CAMK2B: variants seen among roughly 807,000 people sequenced by gnomAD.
CAMK2B encodes the protein calcium/calmodulin dependent protein kinase II beta.
CAMK2B carries 27 observed loss-of-function variants against 93.7 expected under a neutral mutation model. The ratio of observed to expected loss-of-function variants is 0.29; its 90% CI spans 0.21 to 0.40. The LOEUF (loss-of-function observed/expected upper bound fraction) is 0.40, where lower values mean the gene tolerates loss of function less well. Ranked by LOEUF, CAMK2B falls within the 10% of genes least tolerant of loss-of-function variation. The pLI is 1.00. For synonymous variants in CAMK2B, 374 were observed against 358.8 expected (o/e 1.04, Z -0.48); for missense variants, 568 against 895.8 (o/e 0.63, Z 4.67).
chr7:44,279,952 T>C (rs2097089548), intron 2 of CAMK2B, among the ~76,000 whole-genome samples: 1 of 152,062 alleles, frequency 6.6e-6, no homozygotes, highest in African/African-American at 2.4e-5. Context: ...ACTCCACTTT[T>C]AGGACTGCCT....
rs750982970 is a variant in CAMK2B, at chr7:44,242,371, C to G, written c.697-31G>C. On this transcript the variant is annotated intron_variant, in intron 9 of 23. Coordinates refer to ENST00000395749, the MANE Select transcript of CAMK2B (RefSeq NM_001220.5). Reference sequence around the variant, plus strand: ...GAAGGAAACAGCGCCCCGGCCGGGCCTGAAGCTCCCTCTCAGGCAGGGGCA... The same window carrying G: ...GAAGGAAACAGCGCCCCGGCCGGGCGTGAAGCTCCCTCTCAGGCAGGGGCA... 6.2e-6 allele frequency: 10 copies of G among 1,601,090 alleles called. No homozygotes were observed. In the African/African-American group the frequency reaches 1.3e-4, roughly 21 times the overall value.
chr7:44,315,704 T>C (rs1020112399), intron 1 of CAMK2B, among the ~76,000 whole-genome samples: 4 of 152,332 alleles, frequency 2.6e-5, no homozygotes, highest in Admixed American at 2.6e-4. Context: ...GAACATGGGA[T>C]GTCTTTCCAT....
In CAMK2B at chr7:44,225,916, G is replaced by C; in HGVS notation, c.1597+600C>G. 1 of 1,283,084 alleles carries C rather than the reference G, an allele frequency of 7.8e-7. No homozygotes were observed. Among genetic ancestry groups the C allele is most frequent in the Non-Finnish European group, 1.0e-6 (1 of 984,302 alleles). The allele number at this position is 1,283,084 out of a possible 1,614,324, so 79.5% of individuals were successfully genotyped here. The stretch of plus-strand genomic sequence containing the variant: ...CCTGTAAGTGATACTGCGGGTAGTC[G>C]GCAGACAGACCGGGAGGTGGCCCAG... On this transcript the variant is annotated intron_variant, in intron 20 of 23. Coordinates refer to ENST00000395749, the MANE Select transcript of CAMK2B (RefSeq NM_001220.5). This position sits in a 1 kb window ranked among gnomAD's most constrained non-coding sequence, Gnocchi z 5.0.
At chr7:44,307,004 G>GTGTGAGCAGGAGGAGGAGGA (rs1791902414) in intron 1 of CAMK2B, among the ~76,000 whole-genome samples, 1 of 140,484 alleles carries the variant, frequency 7.1e-6, no homozygotes, top group African/African-American at 2.7e-5. Context: ...GAGGAGGAGG[G>GTGTGAGCAGGAGGAGGAGGA]TGTGAGCAGG....
At chr7:44,238,215 C>A (rs568599846) in intron 13 of CAMK2B, among the ~76,000 whole-genome samples, 32 of 152,314 alleles carry the variant, frequency 2.1e-4, no homozygotes, top group Non-Finnish European at 4.1e-4. Context: ...TGGGCTCTGT[C>A]CACATGCACT....
In CAMK2B at chr7:44,284,869, GGA is replaced by G. The variant is rs201909490; in HGVS notation, c.66-646_66-645del. On this transcript the variant is annotated intron_variant, in intron 1 of 23. Coordinates refer to ENST00000395749, the MANE Select transcript of CAMK2B (RefSeq NM_001220.5). ...GTCCAGGTGTCAACGCAGAGGCCAT[GGA>G]GGCCCAGAGTAAGGGCGAAGGGACA... Among the ~76,000 whole-genome samples the G allele has an allele frequency of 6.1e-3, 925 of 152,312 alleles. 13 individuals are homozygous for G. Among genetic ancestry groups the G allele is most frequent in the African/African-American group, 0.021 (882 of 41,554 alleles).
At chr7:44,288,407 G>A (rs1213446619) in intron 1 of CAMK2B, among the ~76,000 whole-genome samples, 7 of 152,354 alleles carry the variant, frequency 4.6e-5, no homozygotes, top group African/African-American at 1.4e-4. Flanking sequence ...AGGGCACAGC[G>A]GGTTGGGGCA....
At chr7:44,238,979 C>T (rs1283083817) in intron 13 of CAMK2B, among the ~76,000 whole-genome samples, 1 of 152,210 alleles carries the variant, frequency 6.6e-6, no homozygotes, top group African/African-American at 2.4e-5. Context: ...CCGGCCTTTT[C>T]CCTCACAGGG....
In CAMK2B at chr7:44,290,574, C is replaced by T. The variant is rs149601386; in HGVS notation, c.66-6349G>A. On this transcript the variant is annotated intron_variant, in intron 1 of 23. Coordinates refer to ENST00000395749, the MANE Select transcript of CAMK2B (RefSeq NM_001220.5). ...GGGGACACCCCAGCAGGCACAAGTC[C>T]GCTGACCTCATGCGGACCTTTGTGT... is the stretch of plus-strand genomic sequence containing the variant. Among the ~76,000 whole-genome samples the T allele has an allele frequency of 3.7e-3, 557 of 152,368 alleles. 1 individual carries two copies. Among genetic ancestry groups the T allele is most frequent in the African/African-American group, 0.012 (507 of 41,590 alleles).
intron 19 of CAMK2B, among the ~76,000 whole-genome samples, chr7:44,227,743 A>G: frequency 6.3e-5 from 1 of 15,768 alleles, no homozygotes; most frequent in Non-Finnish European, 1.0e-4. Flanking sequence ...TATATGGGGG[A>G]CAGAGGAGGG....
chr7:44,242,290 G>A lies in CAMK2B; in HGVS notation c.747C>T (p.Ile249=). The A allele has an allele frequency of 6.2e-7, 1 of 1,614,130 alleles. No individual in the cohort carries two copies. The highest frequency in any genetic ancestry group is 8.5e-7 in the Non-Finnish European group (1 of 1,179,952). Residue 249 remains isoleucine, a synonymous_variant, in exon 10 of 24, where the codon ATC becomes ATT. Transcript: ENST00000395749. ...CAGGGTTGATGGTCAGCATCTGGTT[G>A]ATGAGGTTTTTGGCTTCAGGAGTGA... ...DTVTPEAKNL[I]NQMLTINPAK... is the part of the protein sequence containing the mutation.
At chr7:44,285,997 G>T (rs1784990798) in intron 1 of CAMK2B, among the ~76,000 whole-genome samples, 1 of 152,090 alleles carries the variant, frequency 6.6e-6, no homozygotes, top group South Asian at 2.1e-4. Flanking sequence ...AAAATATAAA[G>T]AAAGGATTAT....
chr7:44,226,263 G>A (rs951819082), intron 20 of CAMK2B, among the ~76,000 whole-genome samples: 7 of 150,068 alleles, frequency 4.7e-5, no homozygotes, highest in Admixed American at 3.3e-4. Context: ...TGCTGGGGTC[G>A]GCAACAAACC....
intron 1 of CAMK2B, among the ~76,000 whole-genome samples, chr7:44,293,227 C>T (rs545740656): frequency 2.0e-5 from 3 of 152,372 alleles, no homozygotes; most frequent in Admixed American, 6.5e-5. Flanking sequence ...AGATACTGAG[C>T]GCCGGCTCAT....
Position 44,234,410 on chromosome 7 carries a change from T to C in CAMK2B, c.1111A>G (p.Thr371Ala), listed in dbSNP as rs748259717. 3.3e-6 allele frequency: 5 copies of C among 1,537,798 alleles called. No individual in the cohort carries two copies. The highest frequency in any genetic ancestry group is 4.4e-6 in the Non-Finnish European group (5 of 1,145,616). Residue 371 changes from threonine to alanine, a missense_variant, in exon 15 of 24, where the codon ACG (threonine) becomes GCG (alanine). Thr to Ala is a moderately conservative substitution (Grantham distance 58). Coordinates refer to ENST00000395749, the MANE Select transcript of CAMK2B (RefSeq NM_001220.5). ...NSAAATSPKGTLPPAALEPQT... is the reference protein window; with the variant it reads ...NSAAATSPKGALPPAALEPQT... ...AGTACCAGGGCGGCAGGAGGAAGCG[T>C]CCCTTTGGGGCTGGTGGCGGCTGCA...
chr7:44,243,823 G>A (rs2096705152), intron 6 of CAMK2B, among the ~76,000 whole-genome samples: 1 of 152,196 alleles, frequency 6.6e-6, no homozygotes, highest in South Asian at 2.1e-4. Flanking sequence ...AACCTGGAAG[G>A]GCGACCTGGG....
chr7:44,233,280 G>C (rs2096596881), intron 15 of CAMK2B, among the ~76,000 whole-genome samples: 1 of 152,112 alleles, frequency 6.6e-6, no homozygotes, highest in African/African-American at 2.4e-5. Context: ...GGGGGTGGCG[G>C]TGGCACATGG....
chr7:44,325,414 G>A lies in CAMK2B; in HGVS notation c.8C>T (p.Thr3Ile). 1 of 1,178,654 alleles carries A rather than the reference G, an allele frequency of 8.5e-7. No homozygotes were observed. The highest frequency in any genetic ancestry group is 1.1e-6 in the Non-Finnish European group (1 of 930,766). The allele number at this position is 1,178,654 out of a possible 1,614,324, so 73.0% of individuals were successfully genotyped here. MATTVTCTRFTDE... is the reference protein window; with the variant it reads MAITVTCTRFTDE... ...GGTGAAGCGGGTGCAGGTCACCGTG[G>A]TGGCCATGGCGGCGGCGGACGGGCT... The change falls in exon 1 of 24, where the codon ACC (threonine) becomes ATC (isoleucine). Residue 3 changes from threonine (T) to isoleucine (I), a missense_variant. Around this residue, in one of 4 missense-constraint regions of CAMK2B, gnomAD observed 39 missense variants for 43.4 expected, o/e 0.90. Transcript: ENST00000395749.
intron 2 of CAMK2B, among the ~76,000 whole-genome samples, chr7:44,263,628 C>A (rs924223844): frequency 6.6e-6 from 1 of 152,152 alleles, no homozygotes; most frequent in Non-Finnish European, 1.5e-5. Context: ...GGGCCCAGAT[C>A]CCCGGACACC....
Sources: allele counts gnomAD v4.1 joint callset (sites outside exome capture counted in the v4.1 genomes callset), GRCh38; gene constraint gnomAD v4.1.1; regional missense constraint gnomAD v4.1.1; non-coding constraint Gnocchi (gnomAD v3.1); transcripts MANE v1.5; gene names NCBI Gene and HGNC (gene_info 2026-07-23, HGNC 2026-07-21).